The following NAALADL2 variants were observed in gnomAD, a reference collection of about 807,000 sequenced individuals.
NAALADL2 encodes inactive N-acetylated-alpha-linked acidic dipeptidase-like protein 2.
Under a neutral mutation model 87.2 loss-of-function variants are expected in NAALADL2, and 76 were observed. The ratio of observed to expected loss-of-function variants is 0.87; its 90% CI spans 0.72 to 1.05. The LOEUF (loss-of-function observed/expected upper bound fraction) is 1.05, where lower values mean the gene tolerates loss of function less well. Among genes scored for constraint, NAALADL2 ranks in the 50% least tolerant of loss-of-function variants. NAALADL2 has a pLI of 0.00. For synonymous variants in NAALADL2, 354 were observed against 331.0 expected, an observed-to-expected ratio of 1.07 and a Z score of -0.75; for missense variants, 1,089 against 945.8, an observed-to-expected ratio of 1.15 and a Z score of -1.99.
intron 5 of NAALADL2, among the ~76,000 whole-genome samples, chr3:175,362,167 A>G (rs1765094332): frequency 6.7e-6 from 1 of 148,198 alleles, no homozygotes; most frequent in South Asian, 2.2e-4. Flanking sequence ...GTCAAAGATC[A>G]GATGGTTGTA....
chr3:175,292,622 A>ACACACC (rs1553850950), intron 4 of NAALADL2, among the ~76,000 whole-genome samples: 3 of 142,952 alleles, frequency 2.1e-5, no homozygotes, highest in South Asian at 2.1e-4. Context: ...ACACACACAC[A>ACACACC]CCTGAGGGGA....
chr3:175,769,052 T>G (rs1318185807), intron 13 of NAALADL2, among the ~76,000 whole-genome samples: 1 of 152,178 alleles, frequency 6.6e-6, no homozygotes, highest in African/African-American at 2.4e-5. Context: ...ATGGCTTGGG[T>G]AATATTTTGT....
intron 3 of NAALADL2, among the ~76,000 whole-genome samples, chr3:174,775,182 C>A (rs1230740945): frequency 6.6e-6 from 1 of 151,934 alleles, no homozygotes; most frequent in Non-Finnish European, 1.5e-5. Context: ...TTGAAGTATG[C>A]AGTTCAGTGG....
chr3:174,928,214 A>C (rs756927047), intron 1 of NAALADL2, among the ~76,000 whole-genome samples: 25 of 152,280 alleles, frequency 1.6e-4, no homozygotes, highest in Admixed American at 4.6e-4. Flanking sequence ...ATATTGTAAA[A>C]TTTTGATGTC....
intron 3 of NAALADL2, among the ~76,000 whole-genome samples, chr3:174,810,208 C>A (rs1050420713): frequency 1.3e-5 from 2 of 152,060 alleles, no homozygotes; most frequent in Admixed American, 6.6e-5. Flanking sequence ...TGTAAAAATA[C>A]CTGTAAATGT....
intron 3 of NAALADL2, among the ~76,000 whole-genome samples, chr3:174,842,595 T>G (rs1724149969): frequency 6.6e-6 from 1 of 152,216 alleles, no homozygotes; most frequent in African/African-American, 2.4e-5. Context: ...AGATTGTATT[T>G]AATGATTTTG....
chr3:175,099,266 G>C (rs959042381), intron 2 of NAALADL2, among the ~76,000 whole-genome samples: 5 of 152,024 alleles, frequency 3.3e-5, no homozygotes, highest in Non-Finnish European at 7.4e-5. Context: ...ATGATGGTAA[G>C]GATTACATTC....
At chr3:175,211,311 T>A (rs1291658498) in intron 2 of NAALADL2, among the ~76,000 whole-genome samples, 1 of 151,902 alleles carries the variant, frequency 6.6e-6, no homozygotes, top group Non-Finnish European at 1.5e-5. Flanking sequence ...ACTTGAATAG[T>A]GGGCAGAATT....
rs776161530 is a variant in NAALADL2 at position 175,576,057 on chromosome 3, G to T, written c.1670G>T (p.Cys557Phe). Residue 557 changes from cysteine to phenylalanine, a missense_variant, in exon 10 of 14, where the codon TGT becomes TTT. Coordinates refer to ENST00000454872, the MANE Select transcript of NAALADL2 (RefSeq NM_207015.3). ...GTTTTTCAGAAAAATAATTTCAACT[G>T]TACCAGAAGAGCCCAGTGCCCAGAA... is the stretch of plus-strand genomic sequence containing the variant. The part of the protein sequence containing the change: ...QLVVEKNNFN[C>F]TRRAQCPETN... 1.9e-6 allele frequency: 3 copies of T among 1,611,136 alleles called. No individual in the cohort carries two copies. In the South Asian group the frequency reaches 3.3e-5, roughly 18 times the overall value.
chr3:175,748,485 T>G (rs937067782), intron 12 of NAALADL2, among the ~76,000 whole-genome samples: 9 of 152,202 alleles, frequency 5.9e-5, no homozygotes, highest in African/African-American at 2.2e-4. Context: ...TAAATCATAC[T>G]TTTTCTTGTC....
Position 175,447,347 on chromosome 3 carries a change from T to C in NAALADL2, c.1209T>C (p.Cys403=). 6.3e-7 allele frequency: 1 copy of C among 1,590,908 alleles called. No individual in the cohort carries two copies. The highest frequency in any genetic ancestry group is 8.6e-7 in the Non-Finnish European group (1 of 1,168,288). The change falls in exon 6 of 14, where the codon TGT becomes TGC. Residue 403 remains cysteine, a synonymous_variant. Coordinates refer to ENST00000454872, the MANE Select transcript of NAALADL2 (RefSeq NM_207015.3). ...AAGCTAGAACCAAAAATGAAGCGTG[T>C]AGCTCTCTAGAGCTTCCAAATAATG... The part of the protein sequence containing the change: ...SPKARTKNEA[C]SSLELPNNEI...
intron 5 of NAALADL2, among the ~76,000 whole-genome samples, chr3:175,368,026 T>A (rs1365948008): frequency 6.6e-6 from 1 of 152,148 alleles, no homozygotes; most frequent in Admixed American, 6.5e-5. Context: ...TTGAGATACA[T>A]CCCATCAATA....
chr3:175,016,168 C>T (rs4585208), intron 1 of NAALADL2, among the ~76,000 whole-genome samples: 150,386 of 150,420 alleles, frequency 1, 75,176 homozygotes, highest in Middle Eastern at 1. Flanking sequence ...AAGACCAAAT[C>T]ATACTATTTT....
At chr3:174,528,154 T>C (rs1466887759) in intron 1 of NAALADL2, among the ~76,000 whole-genome samples, 1 of 152,198 alleles carries the variant, frequency 6.6e-6, no homozygotes, top group Admixed American at 6.5e-5. Context: ...TTCCACTTTG[T>C]GTTATGTACT....
chr3:175,495,796 T>A (rs1299775543), intron 9 of NAALADL2, among the ~76,000 whole-genome samples: 1 of 152,116 alleles, frequency 6.6e-6, no homozygotes, highest in East Asian at 1.9e-4. Context: ...TTTATTTTAA[T>A]TGTGTCTAAG....
At chr3:175,570,549 A>G (rs1717902863) in intron 9 of NAALADL2, among the ~76,000 whole-genome samples, 1 of 152,134 alleles carries the variant, frequency 6.6e-6, no homozygotes, top group South Asian at 2.1e-4. Context: ...TTTCTACAAA[A>G]TTGAACTTAC....
rs115839627 is a variant in NAALADL2, at chr3:175,621,707, A to G, written c.1801-5584A>G. Among the ~76,000 whole-genome samples the G allele has an allele frequency of 5.2e-3, 798 of 152,358 alleles. 5 individuals carry two copies. The highest frequency in any genetic ancestry group is 0.018 in the African/African-American group (745 of 41,588). On this transcript the variant is annotated intron_variant, in intron 10 of 13. Coordinates refer to ENST00000454872, the MANE Select transcript of NAALADL2 (RefSeq NM_207015.3). ...TAACAACTATTTACATAGTATTTAC[A>G]ATGTATTAAGTCTTATAAGTAATCT...
intron 2 of NAALADL2, among the ~76,000 whole-genome samples, chr3:174,736,206 C>T (rs745952484): frequency 2.0e-5 from 3 of 152,098 alleles, no homozygotes; most frequent in Admixed American, 1.3e-4. Flanking sequence ...CTCTTCTCTT[C>T]TTTCTTTTCT....
chr3:174,787,595 A>ATG (rs1716878889), intron 3 of NAALADL2, among the ~76,000 whole-genome samples: 1 of 73,726 alleles, frequency 1.4e-5, no homozygotes, highest in African/African-American at 4.6e-5. Flanking sequence ...ATATATATAT[A>ATG]TATATATATA....
Sources: allele counts gnomAD v4.1 joint callset (sites outside exome capture counted in the v4.1 genomes callset), GRCh38; gene constraint gnomAD v4.1.1; transcripts MANE v1.5; gene names NCBI Gene and HGNC (gene_info 2026-07-23, HGNC 2026-07-21).